GALNTL6: variants seen among roughly 807,000 people sequenced by gnomAD.
GALNTL6 encodes polypeptide N-acetylgalactosaminyltransferase like 6, also known as polypeptide N-acetylgalactosaminyltransferase-like 6.
Under a neutral mutation model 73.7 loss-of-function variants are expected in GALNTL6, and 46 were observed. The observed-to-expected ratio is 0.62, with a 90% CI of 0.49 to 0.80. The LOEUF (loss-of-function observed/expected upper bound fraction) is 0.80. Among genes scored for constraint, GALNTL6 ranks in the 30% least tolerant of loss-of-function variants. The probability of loss-of-function intolerance (pLI) is 0.00; values close to 1 mark genes in which losing one functional copy is unlikely to be tolerated. For synonymous variants in GALNTL6, 259 were observed against 263.7 expected, an observed-to-expected ratio of 0.98 and a Z score of 0.17; for missense variants, 604 against 755.0, an observed-to-expected ratio of 0.80 and a Z score of 2.34.
intron 3 of GALNTL6, among the ~76,000 whole-genome samples, chr4:172,301,786 G>A (rs1389444131): frequency 6.6e-6 from 1 of 152,190 alleles, no homozygotes; most frequent in Non-Finnish European, 1.5e-5. Context: ...CTACTGGGGG[G>A]TGCCTCCCAG....
chr4:172,458,320 CA>C (rs1732478630), intron 5 of GALNTL6, among the ~76,000 whole-genome samples: 1 of 151,034 alleles, frequency 6.6e-6, no homozygotes, highest in Admixed American at 6.6e-5. Context: ...ACTAGAGAAA[CA>C]AGAGCAAACA....
intron 5 of GALNTL6, among the ~76,000 whole-genome samples, chr4:172,415,061 ACCTTT>A (rs1421245191): frequency 1.3e-5 from 2 of 152,128 alleles, no homozygotes; most frequent in African/African-American, 4.8e-5. Context: ...ATCAATAGCA[ACCTTT>A]GCTTGCTATT....
chr4:172,783,409 TTTA>T (rs1739478759), intron 5 of GALNTL6, among the ~76,000 whole-genome samples: 1 of 147,614 alleles, frequency 6.8e-6, no homozygotes, highest in Non-Finnish European at 1.5e-5. Context: ...TATAATATTA[TTTA>T]TAATAATAAT....
chr4:172,591,753 T>A (rs1246559672), intron 5 of GALNTL6, among the ~76,000 whole-genome samples: 1 of 152,170 alleles, frequency 6.6e-6, no homozygotes, highest in African/African-American at 2.4e-5. Context: ...TTTCGTAAAA[T>A]CTTTGCCACA....
At chr4:172,874,383 T>C (rs1214747370) in intron 7 of GALNTL6, among the ~76,000 whole-genome samples, 1 of 152,186 alleles carries the variant, frequency 6.6e-6, no homozygotes, top group African/African-American at 2.4e-5. Flanking sequence ...CCCAGTAGTG[T>C]GCACTCATCA....
intron 5 of GALNTL6, among the ~76,000 whole-genome samples, chr4:172,542,371 T>C (rs1267730104): frequency 6.6e-6 from 1 of 152,106 alleles, no homozygotes; most frequent in East Asian, 1.9e-4. Flanking sequence ...CCGTGCAAGC[T>C]CCCAGCTTGC....
rs35159373 is a variant in GALNTL6, at chr4:172,196,023, T to TAAAA, written c.139-33630_139-33629insAAAA. ...GGAGCTGGGTTTTTTTTTTTTTTTT[T>TAAAA]AAATTAATAAAATAGACCACTAGCT... is the stretch of plus-strand genomic sequence containing the variant. On this transcript the variant is annotated intron_variant, in intron 2 of 12. Coordinates refer to ENST00000506823, the MANE Select transcript of GALNTL6 (RefSeq NM_001034845.3). 4.3e-3 allele frequency among the ~76,000 whole-genome samples: 586 copies of TAAAA among 137,790 alleles called. 3 individuals carry two copies. The highest frequency in any genetic ancestry group is 0.015 in the African/African-American group (545 of 36,416). 90.4% of individuals were successfully genotyped at this position (137,790 alleles called of 152,430 possible).
intron 2 of GALNTL6, among the ~76,000 whole-genome samples, chr4:171,885,098 G>A (rs1172210957): frequency 6.6e-6 from 1 of 151,672 alleles, no homozygotes; most frequent in Non-Finnish European, 1.5e-5. Flanking sequence ...GTTATTTAGT[G>A]TAAAATTAAA....
At chr4:172,907,743 A>C (rs1269379201) in intron 8 of GALNTL6, among the ~76,000 whole-genome samples, 3 of 152,190 alleles carry the variant, frequency 2.0e-5, no homozygotes, top group Non-Finnish European at 4.4e-5. Flanking sequence ...CTGTAGCTAT[A>C]ACTTTTGCAG....
chr4:172,672,069 T>C (rs1004724406), intron 5 of GALNTL6, among the ~76,000 whole-genome samples: 1 of 152,170 alleles, frequency 6.6e-6, no homozygotes, highest in African/African-American at 2.4e-5. Context: ...TTTTGTCTTT[T>C]TAGTAGACAT....
At chr4:172,709,914 A>G (rs1734594972) in intron 5 of GALNTL6, among the ~76,000 whole-genome samples, 1 of 152,126 alleles carries the variant, frequency 6.6e-6, no homozygotes, top group African/African-American at 2.4e-5. Context: ...ATTGTACCGC[A>G]TTGACAAGCA....
intron 4 of GALNTL6, among the ~76,000 whole-genome samples, chr4:172,347,937 G>A (rs1176142187): frequency 6.6e-6 from 1 of 152,142 alleles, no homozygotes; most frequent in African/African-American, 2.4e-5. Flanking sequence ...CTGGGACTAT[G>A]ATAACATCTT....
chr4:172,296,655 T>C (rs1334831926), intron 3 of GALNTL6, among the ~76,000 whole-genome samples: 4 of 152,228 alleles, frequency 2.6e-5, no homozygotes, highest in Admixed American at 2.0e-4. Context: ...GAATGATGGC[T>C]TCCAGCTTCA....
chr4:172,368,308 G>T (rs1034163561), intron 5 of GALNTL6, among the ~76,000 whole-genome samples: 1 of 152,108 alleles, frequency 6.6e-6, no homozygotes, highest in African/African-American at 2.4e-5. Flanking sequence ...ATGAACTTGG[G>T]AGGCAGAGGT....
At chr4:172,156,422 G>T (rs1279661172) in intron 2 of GALNTL6, among the ~76,000 whole-genome samples, 2 of 150,876 alleles carry the variant, frequency 1.3e-5, no homozygotes. Context: ...AACATTTTCT[G>T]CGTGATTTTG....
intron 5 of GALNTL6, among the ~76,000 whole-genome samples, chr4:172,349,889 A>C (rs1741886124): frequency 6.6e-6 from 1 of 151,346 alleles, no homozygotes; most frequent in Admixed American, 6.6e-5. Context: ...TTTGATTTTA[A>C]AGAGGTTTTT....
At chr4:172,150,421 A>C (rs1030102221) in intron 2 of GALNTL6, among the ~76,000 whole-genome samples, 1 of 152,210 alleles carries the variant, frequency 6.6e-6, no homozygotes, top group African/African-American at 2.4e-5. Context: ...AATTCTAATA[A>C]ATGCTAAGAG....
At chr4:172,036,277 C>T (rs4146317) in intron 2 of GALNTL6, among the ~76,000 whole-genome samples, 60,632 of 151,862 alleles carry the variant, frequency 0.4, 13,370 homozygotes, top group South Asian at 0.53. Flanking sequence ...TTGAGTCTCT[C>T]GATTACCTTT....
intron 3 of GALNTL6, among the ~76,000 whole-genome samples, chr4:172,282,000 A>G (rs1739077059): frequency 6.6e-6 from 1 of 152,134 alleles, no homozygotes; most frequent in African/African-American, 2.4e-5. Flanking sequence ...TTGTCATAAA[A>G]TTGAATTTTA....
Sources: gnomAD v4.1 joint callset for allele counts (sites outside exome capture counted in the v4.1 genomes callset) on GRCh38, gnomAD v4.1.1 for gene constraint, MANE v1.5 for transcripts, NCBI Gene and HGNC (gene_info 2026-07-23, HGNC 2026-07-21) for gene names.